Variants in RALGAPA1 observed in about 807,000 individuals in gnomAD.
The protein encoded by RALGAPA1 is Ral GTPase activating protein catalytic subunit alpha 1.
In RALGAPA1, 52 loss-of-function variants were observed where a neutral mutation model predicts 269.6. The observed-to-expected ratio is 0.19, with a 90% CI of 0.15 to 0.24. RALGAPA1 has a LOEUF of 0.24. RALGAPA1 is among the 10% of genes least tolerant of loss of function. The pLI is 1.00. For missense variants in RALGAPA1, 1,917 were observed against 3,013.9 expected (o/e 0.64, Z 8.52); for synonymous variants, 817 against 1,008.3 (o/e 0.81, Z 3.60).
At chr14:35,753,792 A>G (rs947733499) in intron 7 of RALGAPA1, among the ~76,000 whole-genome samples, 1 of 152,310 alleles carries the variant, frequency 6.6e-6, no homozygotes, top group South Asian at 2.1e-4. Context: ...TACACTTAAA[A>G]CACACTGAAC....
intron 18 of RALGAPA1, 39 bp downstream of exon 18, chr14:35,688,420 T>C (rs2066148534): frequency 6.5e-7 from 1 of 1,535,948 alleles, no homozygotes; most frequent in Non-Finnish European, 8.7e-7. Context: ...ACTGGTGCTG[T>C]CTTTCTCCTT....
chr14:35,663,930 AG>A (rs1203914703), intron 27 of RALGAPA1, among the ~76,000 whole-genome samples: 1 of 152,132 alleles, frequency 6.6e-6, no homozygotes, highest in Non-Finnish European at 1.5e-5. Flanking sequence ...AAGTAAGGAC[AG>A]GTCTCAGTAA....
In RALGAPA1 at chr14:35,689,720, T is replaced by C; in HGVS notation, c.2691A>G (p.Arg897=). 1 of 1,440,732 alleles carries C rather than the reference T, an allele frequency of 6.9e-7. No individual in the cohort carries two copies. The highest frequency in any genetic ancestry group is 9.1e-7 in the Non-Finnish European group (1 of 1,100,620). The allele number at this position is 1,440,732 out of a possible 1,614,324, so 89.2% of individuals were successfully genotyped here. Residue 897 remains arginine (R), a synonymous_variant, in exon 18 of 42, where the codon AGA becomes AGG. Coordinates refer to ENST00000680220, the MANE Select transcript of RALGAPA1 (RefSeq NM_001346249.2). Reference sequence around the variant, plus strand: ...TATCACCAACTTCCAGAGAAGACTCTCTACTATGAGTATCAGTGATGTGGC... The same window carrying C: ...TATCACCAACTTCCAGAGAAGACTCCCTACTATGAGTATCAGTGATGTGGC... The part of the protein sequence containing the change: ...TESHITDTHS[R]ESSLEVGDSI...
rs2065951464 is a variant in RALGAPA1 at position 35,686,525 on chromosome 14, T to C, written c.4077+17A>G. The C allele has an allele frequency of 1.9e-6, 3 of 1,586,792 alleles. No individual in the cohort carries two copies. Among genetic ancestry groups the C allele is most frequent in the Non-Finnish European group, 2.6e-6 (3 of 1,169,808 alleles). Reference sequence around the variant, plus strand: ...CTACCCTCCTCTATAAAACCAAATATATAAAATAAAACTTACCGAGGCATT... The same window carrying C: ...CTACCCTCCTCTATAAAACCAAATACATAAAATAAAACTTACCGAGGCATT... On this transcript the variant is annotated intron_variant, in intron 19 of 41. Coordinates refer to ENST00000680220, the MANE Select transcript of RALGAPA1 (RefSeq NM_001346249.2).
chr14:35,688,325 G>T, intron 18 of RALGAPA1, 134 bp downstream of exon 18: 2 of 903,778 alleles, frequency 2.2e-6, no homozygotes, highest in Non-Finnish European at 3.3e-6. Context: ...GGGAAAAGGC[G>T]CATGCATAAC....
chr14:35,631,947 T>C lies in RALGAPA1; in HGVS notation c.5995+2627A>G, dbSNP rs116621678. On this transcript the variant is annotated intron_variant, in intron 33 of 41. Coordinates refer to ENST00000680220, the MANE Select transcript of RALGAPA1 (RefSeq NM_001346249.2). ...GAAGCTCAGGTACCAGAGTATCCCA[T>C]ATGTCTTCTTCCCAAAGGTAGAGAC... 5.1e-3 allele frequency among the ~76,000 whole-genome samples: 778 copies of C among 152,292 alleles called. 8 individuals carry two copies. Among genetic ancestry groups the C allele is most frequent in the African/African-American group, 0.017 (725 of 41,578 alleles).
intron 38 of RALGAPA1, among the ~76,000 whole-genome samples, chr14:35,571,523 A>G (rs1371648912): frequency 6.6e-6 from 1 of 152,112 alleles, no homozygotes; most frequent in East Asian, 1.9e-4. Flanking sequence ...AAAAATAGAA[A>G]AATCAGCTGG....
chr14:35,674,431 G>C (rs1472251821), intron 23 of RALGAPA1, 85 bp downstream of exon 23: 2 of 1,309,448 alleles, frequency 1.5e-6, no homozygotes, highest in Non-Finnish European at 2.1e-6. Flanking sequence ...AGTCAAAAAG[G>C]GTGTCACAAA....
chr14:35,630,560 G>C (rs1213054354), intron 33 of RALGAPA1, among the ~76,000 whole-genome samples: 1 of 151,752 alleles, frequency 6.6e-6, no homozygotes, highest in Non-Finnish European at 1.5e-5. Context: ...GGGATTACAA[G>C]TGTGAGTGAC....
At chr14:35,749,986 T>C (rs917436703) in intron 9 of RALGAPA1, among the ~76,000 whole-genome samples, 2 of 152,080 alleles carry the variant, frequency 1.3e-5, no homozygotes, top group Admixed American at 6.6e-5. Context: ...AAAAGTAAAC[T>C]GTTAAATCCA....
At chr14:35,806,306 A>G (rs536341987) in intron 1 of RALGAPA1, among the ~76,000 whole-genome samples, 1 of 152,214 alleles carries the variant, frequency 6.6e-6, no homozygotes, top group African/African-American at 2.4e-5. Flanking sequence ...GCCAATTTAC[A>G]TGTGCTAATT....
chr14:35,686,695 T>C (rs1239391241), intron 18 of RALGAPA1, 29 bp from the exon 19 acceptor site: 2 of 1,350,584 alleles, frequency 1.5e-6, no homozygotes, highest in Non-Finnish European at 2.0e-6. Flanking sequence ...CTATATATAG[T>C]GAGGAAAAAC....
intron 35 of RALGAPA1, among the ~76,000 whole-genome samples, chr14:35,610,201 T>C (rs1190659411): frequency 6.6e-6 from 1 of 151,488 alleles, no homozygotes; most frequent in African/African-American, 2.4e-5. Flanking sequence ...ATAAAAAATA[T>C]TATAAGGAAA....
intron 16 of RALGAPA1, chr14:35,706,731 C>G (rs982525722): frequency 6.6e-6 from 1 of 151,780 alleles, no homozygotes; most frequent in East Asian, 1.9e-4. Flanking sequence ...GCAATCCTCC[C>G]ATCTCAGGCT....
At chr14:35,659,071 A>T in intron 28 of RALGAPA1, 67 bp downstream of exon 28, 1 of 1,194,482 alleles carries the variant, frequency 8.4e-7, no homozygotes, top group Admixed American at 2.3e-5. Context: ...CTGCTATAAA[A>T]ATTCAGTCAA....
chr14:35,540,218 T>C (rs2053843016), intron 41 of RALGAPA1, among the ~76,000 whole-genome samples: 1 of 152,118 alleles, frequency 6.6e-6, no homozygotes, highest in African/African-American at 2.4e-5. Flanking sequence ...TATGAGATCA[T>C]ATACATGCTA....
At chr14:35,626,504 T>G (rs1309777999) in intron 34 of RALGAPA1, among the ~76,000 whole-genome samples, 3 of 152,164 alleles carry the variant, frequency 2.0e-5, no homozygotes, top group Non-Finnish European at 4.4e-5. Flanking sequence ...TCTGATTTAA[T>G]TCTTCCCAGT....
intron 31 of RALGAPA1, among the ~76,000 whole-genome samples, chr14:35,649,943 T>G (rs1403476676): frequency 6.6e-6 from 1 of 152,190 alleles, no homozygotes; most frequent in East Asian, 1.9e-4. Context: ...TATAGCTTTT[T>G]CATATTAATA....
At chr14:35,710,042 C>A (rs949712714) in intron 16 of RALGAPA1, among the ~76,000 whole-genome samples, 1 of 152,138 alleles carries the variant, frequency 6.6e-6, no homozygotes, top group Non-Finnish European at 1.5e-5. Context: ...ATAATTAGAT[C>A]CAGTTGACTG....
Sources: allele counts gnomAD v4.1 joint callset (sites outside exome capture counted in the v4.1 genomes callset), GRCh38; gene constraint gnomAD v4.1.1; transcripts MANE v1.5; gene names NCBI Gene and HGNC (gene_info 2026-07-23, HGNC 2026-07-21).